The following DENND1A variants were observed in gnomAD, a reference collection of about 807,000 sequenced individuals.
The protein encoded by DENND1A is DENN domain-containing protein 1A.
In DENND1A, 51 loss-of-function variants were observed where a neutral mutation model predicts 113.7. The ratio of observed to expected loss-of-function variants is 0.45; its 90% confidence interval spans 0.36 to 0.57. The LOEUF (loss-of-function observed/expected upper bound fraction) is 0.57, where lower values mean the gene tolerates loss of function less well. Among genes scored for constraint, DENND1A ranks in the 20% least tolerant of loss-of-function variants. The probability of loss-of-function intolerance (pLI) is 0.00; values close to 1 mark genes in which losing one functional copy is unlikely to be tolerated. For synonymous variants in DENND1A, 565 were observed against 570.8 expected, an observed-to-expected ratio of 0.99 and a Z score of 0.14; for missense variants, 1,258 against 1,395.9, an observed-to-expected ratio of 0.90 and a Z score of 1.57.
At chr9:123,867,422 G>A (rs1423391235) in intron 2 of DENND1A, among the ~76,000 whole-genome samples, 1 of 152,138 alleles carries the variant, frequency 6.6e-6, no homozygotes, top group Non-Finnish European at 1.5e-5. Context: ...GACTCCTGGG[G>A]AAATCAGTCT....
intron 5 of DENND1A, among the ~76,000 whole-genome samples, chr9:123,699,706 T>TTA (rs1364138092): frequency 6.8e-6 from 1 of 147,794 alleles, no homozygotes; most frequent in African/African-American, 2.5e-5. Context: ...TTTTTTTTTT[T>TTA]TTTTTATTGG....
intron 1 of DENND1A, among the ~76,000 whole-genome samples, chr9:123,923,333 T>A (rs1331315834): frequency 6.6e-6 from 1 of 152,230 alleles, no homozygotes; most frequent in Non-Finnish European, 1.5e-5. Flanking sequence ...GCACTAACGA[T>A]GGAGAGCTTG....
At chr9:123,791,538 C>T (rs996566561) in intron 3 of DENND1A, among the ~76,000 whole-genome samples, 6 of 152,112 alleles carry the variant, frequency 3.9e-5, no homozygotes, top group Admixed American at 1.3e-4. Context: ...TACAAAGCAT[C>T]TCATTATACT....
chr9:123,927,417 T>G (rs1857302994), intron 1 of DENND1A, among the ~76,000 whole-genome samples: 1 of 152,322 alleles, frequency 6.6e-6, no homozygotes, highest in Admixed American at 6.5e-5. Context: ...TTCTCTGACA[T>G]TTCTAATATA....
At chr9:123,920,999 A>T (rs1043777491) in intron 1 of DENND1A, among the ~76,000 whole-genome samples, 8 of 152,186 alleles carry the variant, frequency 5.3e-5, no homozygotes, top group Admixed American at 3.3e-4. Context: ...ATATATCAGC[A>T]TCTCAATCTT....
intron 10 of DENND1A, among the ~76,000 whole-genome samples, chr9:123,616,251 A>G (rs2060644445): frequency 6.6e-6 from 1 of 152,196 alleles, no homozygotes. Context: ...TTAAAAAGGT[A>G]TTCTCAAAAA....
rs566013139 is a variant in DENND1A, at chr9:123,381,798, G to A, written c.2847C>T (p.Ser949=). ...CAAAGAGGTTGGGCATGGAGAGGGC[G>A]GAGAGGTTGGGCTGAGACCTGTGAG... The part of the protein sequence containing the change: ...CAPHRSQPNL[S]ALSMPNLFGQ... Residue 949 remains serine, a synonymous_variant, in exon 24 of 24, where the codon TCC becomes TCT. Transcript: ENST00000394215. The surrounding 1 kb of genome is among the most constrained non-coding windows in gnomAD (Gnocchi z 4.7). The A allele has an allele frequency of 4.1e-5, 62 of 1,517,416 alleles. No individual in the cohort carries two copies. Among genetic ancestry groups the A allele is most frequent in the African/African-American group, 1.3e-4 (9 of 71,702 alleles). The allele number at this position is 1,517,416 out of a possible 1,614,324, so 94.0% of individuals were successfully genotyped here. A position where few individuals can be genotyped will look rare whatever the true frequency, so the allele number is the denominator to read the frequency against.
chr9:123,818,561 C>CATATATATAT (rs1250943832), intron 2 of DENND1A, among the ~76,000 whole-genome samples: 1 of 116,496 alleles, frequency 8.6e-6, no homozygotes, highest in African/African-American at 3.0e-5. Flanking sequence ...CACACACACA[C>CATATATATAT]ACACACATAT....
chr9:123,647,301 T>C lies in DENND1A; in HGVS notation c.618+4712A>G, dbSNP rs144555025. 1.4e-3 allele frequency among the ~76,000 whole-genome samples: 212 copies of C among 152,374 alleles called. 1 individual carries two copies. The highest frequency in any genetic ancestry group is 4.9e-3 in the African/African-American group (202 of 41,596). On this transcript the variant is annotated intron_variant, in intron 9 of 23. Coordinates refer to ENST00000394215, the MANE Select transcript of DENND1A (RefSeq NM_001352964.2). ...AGTGAAAAGGCTAAGCCTGGCCTGCTGCCTGTATTTGGCAATAAAGCTTTG... is the reference window on the plus strand; with the variant it reads ...AGTGAAAAGGCTAAGCCTGGCCTGCCGCCTGTATTTGGCAATAAAGCTTTG...
At chr9:123,673,544 G>C (rs1445386824) in intron 6 of DENND1A, among the ~76,000 whole-genome samples, 1 of 152,148 alleles carries the variant, frequency 6.6e-6, no homozygotes, top group African/African-American at 2.4e-5. Flanking sequence ...AATGAGACTG[G>C]GTTCCTTTTA....
chr9:123,395,505 A>T (rs1261228224), intron 21 of DENND1A, among the ~76,000 whole-genome samples: 6 of 102,138 alleles, frequency 5.9e-5, no homozygotes, highest in South Asian at 3.4e-4. Context: ...ACAGAGAGAG[A>T]GAGAGAGAGT....
chr9:123,452,838 T>C (rs1157632654), intron 16 of DENND1A, among the ~76,000 whole-genome samples: 1 of 152,194 alleles, frequency 6.6e-6, no homozygotes, highest in African/African-American at 2.4e-5. Context: ...TGCAACTTCC[T>C]TTTCTTTCCT....
chr9:123,523,669 G>A (rs1040863536), intron 13 of DENND1A, among the ~76,000 whole-genome samples: 4 of 152,228 alleles, frequency 2.6e-5, no homozygotes, highest in African/African-American at 7.2e-5. Flanking sequence ...GTGGAAGAGC[G>A]AAGGCCAGAA....
intron 2 of DENND1A, among the ~76,000 whole-genome samples, chr9:123,810,374 G>T (rs1564315471): frequency 6.6e-6 from 1 of 152,040 alleles, no homozygotes; most frequent in Non-Finnish European, 1.5e-5. Context: ...CACAGGAAAT[G>T]TGCAGTATTG....
At chr9:123,761,803 T>C (rs73667915) in intron 4 of DENND1A, among the ~76,000 whole-genome samples, 11,803 of 152,196 alleles carry the variant, frequency 0.078, 925 homozygotes, top group African/African-American at 0.2. Context: ...GAATTTATCA[T>C]TCTCTCTCTC....
intron 2 of DENND1A, among the ~76,000 whole-genome samples, chr9:123,797,005 C>T (rs1032307505): frequency 3.3e-5 from 5 of 152,086 alleles, no homozygotes; most frequent in Admixed American, 2.6e-4. Flanking sequence ...GCAGTTAACA[C>T]GGGAATCTAC....
At chr9:123,668,686 ATAAAAAAG>A (rs1286881514) in intron 7 of DENND1A, among the ~76,000 whole-genome samples, 1 of 152,238 alleles carries the variant, frequency 6.6e-6, no homozygotes, top group African/African-American at 2.4e-5. Flanking sequence ...GCTTGAACAA[ATAAAAAAG>A]TAAAAAATAA....
At chr9:123,543,830 C>T (rs572066834) in intron 13 of DENND1A, among the ~76,000 whole-genome samples, 43 of 152,264 alleles carry the variant, frequency 2.8e-4, no homozygotes, top group African/African-American at 1.0e-3. Context: ...CAGTTCCCAC[C>T]CCTTACTGCA....
Position 123,764,995 on chromosome 9 carries a change from G to T in DENND1A, c.182+4519C>A, listed in dbSNP as rs1221048876. 6.6e-6 allele frequency among the ~76,000 whole-genome samples: 1 copy of T among 152,142 alleles called. No individual in the cohort carries two copies. Among genetic ancestry groups the T allele is most frequent in the African/African-American group, 2.4e-5 (1 of 41,430 alleles). ...ACCAAGGGACTTCAAGGGCCCAGTGGGTTCAGGTTTAGAAAGGAGAGCAGG... is the reference window on the plus strand; with the variant it reads ...ACCAAGGGACTTCAAGGGCCCAGTGTGTTCAGGTTTAGAAAGGAGAGCAGG... On this transcript the variant is annotated intron_variant, in intron 4 of 23. Transcript: ENST00000394215. The surrounding 1 kb of genome is among the most constrained non-coding windows in gnomAD (Gnocchi z 4.1).
Sources: allele counts gnomAD v4.1 joint callset (sites outside exome capture counted in the v4.1 genomes callset), GRCh38; gene constraint gnomAD v4.1.1; non-coding constraint Gnocchi (gnomAD v3.1); transcripts MANE v1.5; gene names NCBI Gene and HGNC (gene_info 2026-07-23, HGNC 2026-07-21).